Variants in WDR25 observed in about 807,000 individuals in gnomAD.
WDR25 encodes the protein WD repeat domain 25, also known as WD repeat-containing protein 25.
In WDR25, 35 loss-of-function variants were observed where a neutral mutation model predicts 47.7. That is an observed-to-expected ratio of 0.73 (90% CI 0.56 to 0.97). The LOEUF (loss-of-function observed/expected upper bound fraction) is 0.97, where lower values mean the gene tolerates loss of function less well. Among genes scored for constraint, WDR25 ranks in the 50% least tolerant of loss-of-function variants. The probability of loss-of-function intolerance (pLI) is 0.00; values close to 1 mark genes in which losing one functional copy is unlikely to be tolerated. For synonymous variants in WDR25, 248 were observed against 278.9 expected (o/e 0.89, Z 1.10); for missense variants, 634 against 704.7 (o/e 0.90, Z 1.14).
intron 2 of WDR25, among the ~76,000 whole-genome samples, chr14:100,389,789 G>C (rs192198369): frequency 7.2e-5 from 11 of 152,234 alleles, no homozygotes; most frequent in Non-Finnish European, 4.4e-5. Context: ...CTTTGCCAGG[G>C]CTTGTGGGGC....
intron 2 of WDR25, among the ~76,000 whole-genome samples, chr14:100,417,416 A>G (rs926406934): frequency 4.6e-5 from 7 of 152,142 alleles, no homozygotes; most frequent in Non-Finnish European, 2.9e-5. Context: ...GTGCAGGGAG[A>G]TGGAGCCATG....
chr14:100,444,146 G>T (rs1898753768), intron 2 of WDR25, among the ~76,000 whole-genome samples: 2 of 152,222 alleles, frequency 1.3e-5, no homozygotes, highest in Admixed American at 1.3e-4. Flanking sequence ...CACCTGGCGG[G>T]GCATGCCTGA....
chr14:100,524,209 G>A (rs191987240), intron 4 of WDR25, among the ~76,000 whole-genome samples: 1 of 152,104 alleles, frequency 6.6e-6, no homozygotes, highest in African/African-American at 2.4e-5. Flanking sequence ...GTAGTTCTTG[G>A]CTCCTGGGCA....
chr14:100,415,632 T>C (rs539231650), intron 2 of WDR25, among the ~76,000 whole-genome samples: 5 of 152,194 alleles, frequency 3.3e-5, no homozygotes, highest in Non-Finnish European at 5.9e-5. Context: ...TTATATAAGA[T>C]TGGGGCATCC....
intron 2 of WDR25, among the ~76,000 whole-genome samples, chr14:100,402,586 T>C (rs1897413166): frequency 6.6e-6 from 1 of 152,064 alleles, no homozygotes; most frequent in South Asian, 2.1e-4. Flanking sequence ...GCCAGGCAAT[T>C]TCTGGGTGTT....
rs1409415443 is a variant in WDR25, at chr14:100,405,083, C to A, written c.822+23337C>A. ...TTTATCTGTGGAAGGTGGCAGCTGG[C>A]AGCCAAACCAGGAGCCTAAGTCTTG... On this transcript the variant is annotated intron_variant, in intron 2 of 6. Transcript: ENST00000402312. Among the ~76,000 whole-genome samples the A allele has an allele frequency of 3.9e-5, 6 of 152,218 alleles. No individual in the cohort carries two copies. The East Asian group carries it at 9.7e-4, about 24-fold the overall frequency.
intron 2 of WDR25, among the ~76,000 whole-genome samples, chr14:100,466,438 G>A (rs1361580364): frequency 2.0e-5 from 3 of 152,182 alleles, no homozygotes; most frequent in South Asian, 2.1e-4. Context: ...TGGTAGAAGT[G>A]CATGGGTGTA....
chr14:100,466,893 C>T (rs942396328), intron 2 of WDR25, among the ~76,000 whole-genome samples: 2 of 152,200 alleles, frequency 1.3e-5, no homozygotes, highest in Admixed American at 6.5e-5. Context: ...CCAAACTCTC[C>T]GGCAGTTCCC....
At chr14:100,411,781 T>C (rs1390319658) in intron 2 of WDR25, among the ~76,000 whole-genome samples, 3 of 152,116 alleles carry the variant, frequency 2.0e-5, no homozygotes, top group Non-Finnish European at 4.4e-5. Flanking sequence ...GGTGATCCAC[T>C]CACCTTGGCC....
At chr14:100,418,051 C>T (rs370320144) in intron 2 of WDR25, among the ~76,000 whole-genome samples, 1 of 151,894 alleles carries the variant, frequency 6.6e-6, no homozygotes, top group East Asian at 2.0e-4. Context: ...AAGCAATTCT[C>T]TTGCTTCAGC....
At chr14:100,484,160 G>A in intron 4 of WDR25, 36 bp downstream of exon 4, 1 of 1,584,736 alleles carries the variant, frequency 6.3e-7, no homozygotes, top group Non-Finnish European at 8.6e-7. Context: ...CTTTCCACAG[G>A]AGAGCTTGTT....
chr14:100,404,348 T>C lies in WDR25; in HGVS notation c.822+22602T>C, dbSNP rs567672433. Among the ~76,000 whole-genome samples the C allele has an allele frequency of 6.6e-6, 1 of 152,332 alleles. No homozygotes were observed. The highest frequency in any genetic ancestry group is 2.1e-4 in the South Asian group (1 of 4,830). On this transcript the variant is annotated intron_variant, in intron 2 of 6. Transcript: ENST00000402312. The surrounding 1 kb of genome is among the most constrained non-coding windows in gnomAD (Gnocchi z 4.6). ...CAGCCCGTAAGTGTAAAGCAGATGT[T>C]TGGAACCTGGGTTCTCATTTTCCTG...
intron 2 of WDR25, among the ~76,000 whole-genome samples, chr14:100,389,826 G>A (rs966033390): frequency 1.3e-5 from 2 of 152,356 alleles, no homozygotes; most frequent in African/African-American, 4.8e-5. Flanking sequence ...TTCCTCGCCA[G>A]GATTGGGGCA....
At chr14:100,386,848 G>A (rs544473446) in intron 2 of WDR25, among the ~76,000 whole-genome samples, 2 of 152,096 alleles carry the variant, frequency 1.3e-5, no homozygotes, top group South Asian at 4.2e-4. Flanking sequence ...AGCCCAGATC[G>A]CACCACTGCA....
intron 3 of WDR25, among the ~76,000 whole-genome samples, chr14:100,483,562 T>G (rs185910515): frequency 6.6e-6 from 1 of 152,290 alleles, no homozygotes; most frequent in East Asian, 1.9e-4. Flanking sequence ...AACAATCCTG[T>G]TTTTGGTTTT....
chr14:100,437,178 C>T (rs144653091), intron 2 of WDR25, among the ~76,000 whole-genome samples: 1 of 152,228 alleles, frequency 6.6e-6, no homozygotes, highest in African/African-American at 2.4e-5. Flanking sequence ...GAGCCCAGAG[C>T]AGGGACTTCT....
chr14:100,387,607 C>T (rs1227823448), intron 2 of WDR25, among the ~76,000 whole-genome samples: 1 of 152,196 alleles, frequency 6.6e-6, no homozygotes, highest in Non-Finnish European at 1.5e-5. Flanking sequence ...GCCTGAGAGG[C>T]CACTTCTGTC....
At chr14:100,516,126 G>T (rs1901487467) in intron 4 of WDR25, among the ~76,000 whole-genome samples, 1 of 152,000 alleles carries the variant, frequency 6.6e-6, no homozygotes, top group Non-Finnish European at 1.5e-5. Context: ...TATTTTGAGA[G>T]ATTTTTTGGA....
chr14:100,405,223 A>G (rs1897499722), intron 2 of WDR25, among the ~76,000 whole-genome samples: 2 of 147,850 alleles, frequency 1.4e-5, no homozygotes, highest in African/African-American at 5.2e-5. Flanking sequence ...GTGCAATGGT[A>G]TGATCTCAGC....
Sources: allele counts gnomAD v4.1 joint callset (sites outside exome capture counted in the v4.1 genomes callset), GRCh38; gene constraint gnomAD v4.1.1; non-coding constraint Gnocchi (gnomAD v3.1); transcripts MANE v1.5; gene names NCBI Gene and HGNC (gene_info 2026-07-23, HGNC 2026-07-21).